LPO: variants seen among roughly 807,000 people sequenced by gnomAD.
LPO encodes the protein salivary peroxidase.
In LPO, 70 loss-of-function variants were observed where a neutral mutation model predicts 68.4. The ratio of observed to expected loss-of-function variants is 1.02; its 90% CI spans 0.84 to 1.25. LPO has a LOEUF of 1.25. Ranked by LOEUF, LPO falls within the 50% of genes most tolerant of loss-of-function variation. The pLI is 0.00. For synonymous variants in LPO, 360 were observed against 357.6 expected (o/e 1.01, Z -0.08); for missense variants, 873 against 908.4 (o/e 0.96, Z 0.50).
chr17:58,246,241 G>A (rs1180441317), intron 3 of LPO, among the ~76,000 whole-genome samples: 1 of 152,168 alleles, frequency 6.6e-6, no homozygotes, highest in African/African-American at 2.4e-5. Flanking sequence ...GAGGCAGGAG[G>A]CAAGGAGGAT....
At chr17:58,267,716 C>T in intron 12 of LPO, 71 bp from the exon 13 acceptor site, 1 of 1,511,558 alleles carries the variant, frequency 6.6e-7, no homozygotes, top group Non-Finnish European at 9.1e-7. Context: ...GTGACCCTTT[C>T]CTTCCCCTGT....
At chr17:58,249,529 G>T in intron 5 of LPO, 37 bp from the exon 6 acceptor site, 2 of 1,593,732 alleles carry the variant, frequency 1.3e-6, no homozygotes, top group Non-Finnish European at 1.7e-6. Context: ...CCCGGAGCCG[G>T]CCTGCCGAAG....
chr17:58,254,874 A>T lies in LPO; in HGVS notation c.1169A>T (p.His390Leu), dbSNP rs1157338262. The T allele has an allele frequency of 2.5e-5, 40 of 1,614,170 alleles. No homozygotes were observed. The highest frequency in any genetic ancestry group is 3.3e-5 in the Non-Finnish European group (39 of 1,180,030). Residue 390 changes from histidine to leucine, a missense_variant, in exon 9 of 13, where the codon CAT (histidine) becomes CTT (leucine). Transcript: ENST00000262290. ...TCCCACACCCTCTTTCTCCGCGAGC[A>T]TAACCGGCTGGCCAGAGAACTAAAG... The part of the protein sequence containing the change: ...ATSHTLFLRE[H>L]NRLARELKRL...
intron 9 of LPO, among the ~76,000 whole-genome samples, chr17:58,256,540 G>A (rs867354898): frequency 5.3e-5 from 8 of 152,090 alleles, no homozygotes; most frequent in Middle Eastern, 3.4e-3. Context: ...ATCCTGCTGG[G>A]CACAGTGGCT....
At chr17:58,241,308 A>T (rs1969755046) in intron 1 of LPO, among the ~76,000 whole-genome samples, 1 of 151,370 alleles carries the variant, frequency 6.6e-6, no homozygotes. Context: ...ACAGGGTTTT[A>T]CCACATTGAC....
chr17:58,249,826 C>T, intron 6 of LPO, 131 bp downstream of exon 6: 4 of 1,278,908 alleles, frequency 3.1e-6, no homozygotes, highest in Non-Finnish European at 4.1e-6. Flanking sequence ...TCTGCACAGA[C>T]CCCCACCTTC....
At position 58,267,959 on chromosome 17, in the gene LPO, C is replaced by T. The variant is rs1216499039; in HGVS notation, c.2104C>T (p.Leu702=). The T allele has an allele frequency of 1.2e-6, 2 of 1,613,924 alleles. No individual in the cohort carries two copies. The highest frequency in any genetic ancestry group is 1.7e-6 in the Non-Finnish European group (2 of 1,180,028). The change falls in exon 13 of 13, where the codon CTG becomes TTG. Residue 702 remains leucine, a synonymous_variant. Transcript: ENST00000262290. The part of the protein sequence containing the change: ...DFVDCSAIDK[L]DLSPWASVKN ...CGTGGATTGCTCAGCCATCGACAAG[C>T]TGGACCTGTCACCCTGGGCCTCAGT...
intron 4 of LPO, among the ~76,000 whole-genome samples, chr17:58,248,398 A>G (rs1969891541): frequency 6.6e-6 from 1 of 152,210 alleles, no homozygotes; most frequent in African/African-American, 2.4e-5. Context: ...CACCTTTCAG[A>G]GATGGCCCCC....
At chr17:58,261,330 AG>A (rs1462752008) in intron 9 of LPO, among the ~76,000 whole-genome samples, 4 of 152,320 alleles carry the variant, frequency 2.6e-5, no homozygotes, top group African/African-American at 9.6e-5. Flanking sequence ...CATATCATTT[AG>A]GATTGCTTCA....
At position 58,255,705 on chromosome 17, in the gene LPO, T is replaced by A. The variant is rs73314154; in HGVS notation, c.1266+734T>A. Among the ~76,000 whole-genome samples, 466 of 152,288 alleles carry A rather than the reference T, an allele frequency of 3.1e-3. 6 individuals carry two copies. Among genetic ancestry groups the A allele is most frequent in the African/African-American group, 0.011 (447 of 41,568 alleles). On this transcript the variant is annotated intron_variant, in intron 9 of 12. Transcript: ENST00000262290. ...TTCTAAGAATTGTACAGGAAATTTT[T>A]AAAAATGTACAAGGAGGTCCCATGC...
chr17:58,242,810 A>C, intron 1 of LPO, 168 bp from the exon 2 acceptor site: 5 of 594,032 alleles, frequency 8.4e-6, no homozygotes, highest in Non-Finnish European at 9.1e-6. Context: ...AGTACCTAGC[A>C]CAGGCCTGTG....
rs369628308 is a variant in LPO at position 58,252,337 on chromosome 17, C to T, written c.936C>T (p.Ser312=). 45 of 1,614,176 alleles carry T rather than the reference C, an allele frequency of 2.8e-5. No homozygotes were observed. The highest frequency in any genetic ancestry group is 1.6e-4 in the Middle Eastern group (1 of 6,062). The change falls in exon 8 of 13, where the codon TCC becomes TCT. Residue 312 remains serine, a synonymous_variant. Coordinates refer to ENST00000262290, the MANE Select transcript of LPO (RefSeq NM_006151.3). ...SFLDASFVYS[S]EPSLASRLRN... ...TGGATGCCAGCTTTGTGTACAGCTC[C>T]GAGCCAAGCCTGGCCAGCCGCCTCC...
At chr17:58,246,219 G>A (rs1178077114) in intron 3 of LPO, among the ~76,000 whole-genome samples, 1 of 152,192 alleles carries the variant, frequency 6.6e-6, no homozygotes, top group African/African-American at 2.4e-5. Flanking sequence ...CTCAGGAAAA[G>A]GAAGGCCAGT....
chr17:58,268,081 C>G lies in LPO; in HGVS notation c.*87C>G. On this transcript the variant is annotated 3_prime_UTR_variant, in exon 13 of 13. Transcript: ENST00000262290. ...GACCTGGTCCCTTAGAGCTCCATAT[C>G]CCAGTCCCAGCCCTTCTTTGCAGCT... The G allele has an allele frequency of 2.2e-6, 3 of 1,344,432 alleles. No individual in the cohort carries two copies. Among genetic ancestry groups the G allele is most frequent in the Non-Finnish European group, 3.1e-6 (3 of 959,532 alleles). 83.3% of individuals were successfully genotyped at this position (1,344,432 alleles called of 1,614,324 possible). A position where few individuals can be genotyped will look rare whatever the true frequency, so the allele number is the denominator to read the frequency against.
intron 7 of LPO, 64 bp downstream of exon 7, chr17:58,250,685 C>G (rs767596223): frequency 2.2e-5 from 33 of 1,515,540 alleles, no homozygotes; most frequent in Non-Finnish European, 2.7e-5. Context: ...GCAGACATTC[C>G]CAGCTCATCA....
chr17:58,265,612 T>TTTTTTGAG (rs1361466233), intron 10 of LPO, among the ~76,000 whole-genome samples: 1 of 138,004 alleles, frequency 7.2e-6, no homozygotes, highest in East Asian at 2.1e-4. Context: ...GACAGGGTCT[T>TTTTTTGAG]ACTCTGTCAC....
At chr17:58,243,181 G>T in intron 2 of LPO, 126 bp downstream of exon 2, 1 of 901,336 alleles carries the variant, frequency 1.1e-6, no homozygotes, top group East Asian at 2.5e-5. Flanking sequence ...TCAAGGTGTT[G>T]GCAGGGCTGT....
chr17:58,265,957 C>A (rs999568179), intron 10 of LPO, among the ~76,000 whole-genome samples, 196 bp from the exon 11 acceptor site: 2 of 152,104 alleles, frequency 1.3e-5, no homozygotes, highest in Non-Finnish European at 1.5e-5. Flanking sequence ...CCAGAGCAGA[C>A]AATCTGGATG....
intron 7 of LPO, 43 bp from the exon 8 acceptor site, chr17:58,252,139 T>A: frequency 6.3e-7 from 1 of 1,584,188 alleles, no homozygotes; most frequent in Non-Finnish European, 8.6e-7. Context: ...AGGACCCAGC[T>A]GTTCCACCCC....
Sources: allele counts gnomAD v4.1 joint callset (sites outside exome capture counted in the v4.1 genomes callset), GRCh38; gene constraint gnomAD v4.1.1; transcripts MANE v1.5; gene names NCBI Gene and HGNC (gene_info 2026-07-23, HGNC 2026-07-21).